MRPS27: variants seen among roughly 807,000 people sequenced by gnomAD.
The protein encoded by MRPS27 is mitochondrial ribosomal protein S27.
In MRPS27, 43 loss-of-function variants were observed where a neutral mutation model predicts 48.9. That is an observed-to-expected ratio of 0.88 (90% CI 0.69 to 1.13). MRPS27 has a LOEUF of 1.13. Among genes scored for constraint, MRPS27 ranks in the 50% most tolerant of loss-of-function variants. The probability of loss-of-function intolerance (pLI) is 0.00; values close to 1 mark genes in which losing one functional copy is unlikely to be tolerated. For synonymous variants in MRPS27, 188 were observed against 171.9 expected (o/e 1.09, Z -0.73); for missense variants, 467 against 476.3 (o/e 0.98, Z 0.18).
At chr5:72,288,217 T>TG (rs879776334) in intron 4 of MRPS27, among the ~76,000 whole-genome samples, 63 of 151,952 alleles carry the variant, frequency 4.1e-4, no homozygotes, top group Non-Finnish European at 6.0e-4. Context: ...ATTCTTTTTT[T>TG]TTTTTTTTGA....
At chr5:72,298,780 T>C (rs1240036669) in intron 2 of MRPS27, among the ~76,000 whole-genome samples, 1 of 140,768 alleles carries the variant, frequency 7.1e-6, no homozygotes, top group African/African-American at 2.6e-5. Flanking sequence ...ATTAGGTACA[T>C]ACCGAAAATA....
At chr5:72,240,269 A>C (rs1304061867) in intron 4 of MRPS27, among the ~76,000 whole-genome samples, 1 of 152,214 alleles carries the variant, frequency 6.6e-6, no homozygotes, top group Non-Finnish European at 1.5e-5. Flanking sequence ...CTCATTACAA[A>C]AACGATGCAC....
At chr5:72,297,872 A>T (rs1416189166) in intron 2 of MRPS27, among the ~76,000 whole-genome samples, 170 bp from the exon 3 acceptor site, 1 of 152,176 alleles carries the variant, frequency 6.6e-6, no homozygotes, top group Admixed American at 6.5e-5. Flanking sequence ...AAAACATTTT[A>T]AAAATGATTT....
Position 72,314,147 on chromosome 5 carries a change from G to T in MRPS27, c.85C>A (p.Leu29Met), listed in dbSNP as rs1750511431. 1 of 1,612,272 alleles carries T rather than the reference G, an allele frequency of 6.2e-7. No individual in the cohort carries two copies. The highest frequency in any genetic ancestry group is 1.3e-5 in the African/African-American group (1 of 74,856). Residue 29 changes from leucine (L) to methionine (M), a missense_variant, in exon 2 of 11, where the codon CTG becomes ATG. Transcript: ENST00000261413. ...PQLSPAGKRY[L>M]LSSAYVDSHK... ...CTGTCTACATAGGCTGAAGAAAGCA[G>T]GTATCTTTTACCTGAGAAAATAGGC...
Position 72,233,026 on chromosome 5 carries a change from C to G in MRPS27, c.476-468G>C, listed in dbSNP as rs114554428. Among the ~76,000 whole-genome samples, 564 of 152,258 alleles carry G rather than the reference C, an allele frequency of 3.7e-3. 1 individual carries two copies. Among genetic ancestry groups the G allele is most frequent in the African/African-American group, 0.013 (548 of 41,564 alleles). ...AGGTCACCCTGACAGGCAGAGCAGA[C>G]AGGCTGGTCTGACTGCCCTATTCTC... is the stretch of plus-strand genomic sequence containing the variant. On this transcript the variant is annotated intron_variant, in intron 6 of 10. Coordinates refer to ENST00000261413, the MANE Select transcript of MRPS27 (RefSeq NM_015084.3).
At chr5:72,266,199 T>C (rs890870210) in intron 4 of MRPS27, among the ~76,000 whole-genome samples, 2 of 152,178 alleles carry the variant, frequency 1.3e-5, no homozygotes, top group Non-Finnish European at 2.9e-5. Flanking sequence ...AGCACACATA[T>C]CCAGATATGC....
Position 72,230,974 on chromosome 5 carries a change from G to A in MRPS27, c.591+1469C>T, listed in dbSNP as rs556554186. Among the ~76,000 whole-genome samples the A allele has an allele frequency of 4.6e-5, 7 of 152,156 alleles. No homozygotes were observed. The South Asian group carries it at 1.2e-3, about 27-fold the overall frequency. On this transcript the variant is annotated intron_variant, in intron 7 of 10. Transcript: ENST00000261413. ...ACCATTATCCCTTGCTGAGATTCAT[G>A]GTAGTCTCTCGGATGGTCTGACCAT...
intron 2 of MRPS27, among the ~76,000 whole-genome samples, chr5:72,313,224 AG>A (rs1322881865): frequency 6.6e-6 from 1 of 152,200 alleles, no homozygotes; most frequent in Admixed American, 6.5e-5. Context: ...CCAATAAGGT[AG>A]CCATTAGAGA....
At position 72,221,515 on chromosome 5, in the gene MRPS27, TA is replaced by T. The variant is rs554179139; in HGVS notation, c.1006-368del. On this transcript the variant is annotated intron_variant, in intron 10 of 10. Coordinates refer to ENST00000261413, the MANE Select transcript of MRPS27 (RefSeq NM_015084.3). ...TGTCTCCCTGTGTAATTTCTTGTTT[TA>T]AACCACAAAGACAGCCAGCCTCTAA... Among the ~76,000 whole-genome samples the T allele has an allele frequency of 3.1e-3, 467 of 152,294 alleles. 3 individuals carry two copies. Among genetic ancestry groups the T allele is most frequent in the Non-Finnish European group, 5.6e-3 (382 of 68,026 alleles).
At chr5:72,241,472 A>G in intron 4 of MRPS27, 3 of 589,644 alleles carry the variant, frequency 5.1e-6, no homozygotes, top group Non-Finnish European at 6.0e-6. Context: ...GTGAGTGGCT[A>G]TCTGGAATAT....
At chr5:72,251,612 T>C (rs922240593) in intron 4 of MRPS27, among the ~76,000 whole-genome samples, 1 of 152,208 alleles carries the variant, frequency 6.6e-6, no homozygotes. Flanking sequence ...GAGCTTTGTG[T>C]CAGCTCAGTG....
chr5:72,279,308 C>T (rs1749470552), intron 4 of MRPS27, among the ~76,000 whole-genome samples: 1 of 152,112 alleles, frequency 6.6e-6, no homozygotes, highest in Admixed American at 6.5e-5. Flanking sequence ...ATTCTCTATC[C>T]ACTTTTCTAA....
intron 2 of MRPS27, among the ~76,000 whole-genome samples, chr5:72,306,972 C>A (rs1750286190): frequency 6.6e-6 from 1 of 151,974 alleles, no homozygotes. Context: ...AAAGAGTTAA[C>A]GGGGGCACAT....
At chr5:72,293,758 C>G (rs928395893) in intron 4 of MRPS27, among the ~76,000 whole-genome samples, 4 of 152,274 alleles carry the variant, frequency 2.6e-5, no homozygotes, top group Middle Eastern at 3.4e-3. Context: ...ATACTTCTCC[C>G]AACACTATGG....
chr5:72,240,267 A>C (rs1748312858), intron 4 of MRPS27, among the ~76,000 whole-genome samples: 1 of 152,218 alleles, frequency 6.6e-6, no homozygotes. Context: ...GTCTCATTAC[A>C]AAAACGATGC....
chr5:72,309,497 G>T (rs904050815), intron 2 of MRPS27, among the ~76,000 whole-genome samples: 34 of 152,244 alleles, frequency 2.2e-4, no homozygotes, highest in African/African-American at 7.2e-4. Context: ...CTCCTGACTT[G>T]ATCTGCCTAC....
intron 9 of MRPS27, among the ~76,000 whole-genome samples, chr5:72,225,138 C>G (rs1372445713): frequency 6.6e-6 from 1 of 152,178 alleles, no homozygotes; most frequent in Non-Finnish European, 1.5e-5. Context: ...GTACTGACTA[C>G]AGCAGGGTTA....
intron 6 of MRPS27, among the ~76,000 whole-genome samples, chr5:72,233,838 AT>A (rs1748123508): frequency 6.6e-6 from 1 of 152,182 alleles, no homozygotes. Flanking sequence ...CTTTATTTAT[AT>A]TCTGCATTTC....
intron 4 of MRPS27, among the ~76,000 whole-genome samples, chr5:72,246,870 C>CTTCTT (rs57032638): frequency 0.17 from 25,483 of 152,010 alleles, 5,525 homozygotes; most frequent in African/African-American, 0.51. Context: ...TGCCTCTCAA[C>CTTCTT]TTATTTGTAG....
Sources: allele counts gnomAD v4.1 joint callset (sites outside exome capture counted in the v4.1 genomes callset), GRCh38; gene constraint gnomAD v4.1.1; transcripts MANE v1.5; gene names NCBI Gene and HGNC (gene_info 2026-07-23, HGNC 2026-07-21).